FNBP1L: variants seen among roughly 807,000 people sequenced by gnomAD.
FNBP1L encodes formin-binding protein 1-like.
In FNBP1L, 36 loss-of-function variants were observed where a neutral mutation model predicts 91.2. The ratio of observed to expected loss-of-function variants is 0.39; its 90% CI spans 0.30 to 0.52. FNBP1L has a LOEUF of 0.52. Among genes scored for constraint, FNBP1L ranks in the 20% least tolerant of loss-of-function variants. The pLI is 0.66. For synonymous variants in FNBP1L, 242 were observed against 237.0 expected, an observed-to-expected ratio of 1.02 and a Z score of -0.19; for missense variants, 571 against 732.1, an observed-to-expected ratio of 0.78 and a Z score of 2.54.
intron 1 of FNBP1L, among the ~76,000 whole-genome samples, chr1:93,479,949 T>A (rs1669636250): frequency 6.6e-6 from 1 of 152,164 alleles, no homozygotes; most frequent in Non-Finnish European, 1.5e-5. Context: ...GCATAAGAAA[T>A]TATAAGAGTA....
chr1:93,465,450 G>A (rs898772617), intron 1 of FNBP1L, among the ~76,000 whole-genome samples: 10 of 151,704 alleles, frequency 6.6e-5, no homozygotes, highest in African/African-American at 2.2e-4. Flanking sequence ...GAGAACATGT[G>A]GTGTTTGGTT....
intron 11 of FNBP1L, among the ~76,000 whole-genome samples, chr1:93,541,702 G>T (rs1672052281): frequency 6.6e-6 from 1 of 152,042 alleles, no homozygotes; most frequent in African/African-American, 2.4e-5. Flanking sequence ...TGTATAGGAA[G>T]CTACTGGAAA....
Position 93,448,251 on chromosome 1 carries a change from C to T in FNBP1L, c.-31C>T. On this transcript the variant is annotated 5_prime_UTR_variant, in exon 1 of 17. Coordinates refer to ENST00000271234, the MANE Select transcript of FNBP1L (RefSeq NM_001164473.3). ...GTGGAGCCGACAGACTGAAGGACAG[C>T]GGCACCGCCAGACGGCCAGAAAGTT... 6.6e-7 allele frequency: 1 copy of T among 1,520,390 alleles called. No individual in the cohort carries two copies. Among genetic ancestry groups the T allele is most frequent in the Non-Finnish European group, 8.8e-7 (1 of 1,133,802 alleles). 94.2% of individuals were successfully genotyped at this position (1,520,390 alleles called of 1,614,324 possible). A position where few individuals can be genotyped will look rare whatever the true frequency, so the allele number is the denominator to read the frequency against.
At chr1:93,506,330 G>A (rs1670611176) in intron 2 of FNBP1L, among the ~76,000 whole-genome samples, 1 of 152,070 alleles carries the variant, frequency 6.6e-6, no homozygotes, top group South Asian at 2.1e-4. Flanking sequence ...AGGAAATACA[G>A]TCATCAACAG....
chr1:93,477,792 A>T (rs1320424479), intron 1 of FNBP1L, among the ~76,000 whole-genome samples: 2 of 152,238 alleles, frequency 1.3e-5, no homozygotes, highest in East Asian at 3.8e-4. Flanking sequence ...GTCCTACTAT[A>T]ACCATACCCT....
chr1:93,541,675 A>G (rs1347456489), intron 11 of FNBP1L, among the ~76,000 whole-genome samples: 1 of 152,108 alleles, frequency 6.6e-6, no homozygotes, highest in Non-Finnish European at 1.5e-5. Flanking sequence ...TACATTAGGA[A>G]CTAACCCCAA....
chr1:93,478,517 AGG>A (rs968511789), intron 1 of FNBP1L, among the ~76,000 whole-genome samples: 1 of 152,044 alleles, frequency 6.6e-6, no homozygotes, highest in Non-Finnish European at 1.5e-5. Context: ...CCAGGTGGAG[AGG>A]GGGGCAGTCC....
At chr1:93,542,021 AT>A (rs1035395225) in intron 11 of FNBP1L, among the ~76,000 whole-genome samples, 32 of 152,280 alleles carry the variant, frequency 2.1e-4, no homozygotes, top group African/African-American at 7.0e-4. Flanking sequence ...ACTCCACAGT[AT>A]GTTGAAATGC....
chr1:93,469,406 G>C (rs2101695994), intron 1 of FNBP1L, among the ~76,000 whole-genome samples: 1 of 152,228 alleles, frequency 6.6e-6, no homozygotes, highest in South Asian at 2.1e-4. Context: ...CTCTGCAAAG[G>C]ACATGAACTC....
chr1:93,460,625 A>C (rs1668829573), intron 1 of FNBP1L, among the ~76,000 whole-genome samples: 1 of 152,252 alleles, frequency 6.6e-6, no homozygotes, highest in Non-Finnish European at 1.5e-5. Context: ...CCGGTCATTT[A>C]CGATAACATG....
chr1:93,554,093 T>C lies in FNBP1L; in HGVS notation c.*1677T>C, dbSNP rs1672500387. On this transcript the variant is annotated 3_prime_UTR_variant, in exon 17 of 17. Transcript: ENST00000271234. ...GTTACACAGCTGACATATAGTGTAT[T>C]ACCTTTGCAGCTAGTAAACTATAAA... 6.5e-6 allele frequency: 1 copy of C among 152,684 alleles called. No homozygotes were observed. Among genetic ancestry groups the C allele is most frequent in the Admixed American group, 6.5e-5 (1 of 15,288 alleles). 9.5% of individuals were successfully genotyped at this position (152,684 alleles called of 1,614,324 possible).
intron 1 of FNBP1L, among the ~76,000 whole-genome samples, chr1:93,464,749 T>A (rs556491759): frequency 1.3e-5 from 2 of 152,318 alleles, no homozygotes; most frequent in African/African-American, 4.8e-5. Flanking sequence ...AATACCTAGT[T>A]TGATGTTATT....
rs892416835 is a variant in FNBP1L at position 93,515,622 on chromosome 1, G to A, written c.141-6460G>A. Among the ~76,000 whole-genome samples the A allele has an allele frequency of 1.3e-4, 20 of 151,960 alleles. No homozygotes were observed. The East Asian group carries it at 3.7e-3, about 28-fold the overall frequency. ...GAGTTCATGTCCTTTGTAGGGACAT[G>A]GATGAAATTGGAAATCATCATTCTC... On this transcript the variant is annotated intron_variant, in intron 2 of 16. Transcript: ENST00000271234.
At chr1:93,523,945 G>A (rs1383861108) in intron 4 of FNBP1L, among the ~76,000 whole-genome samples, 1 of 152,132 alleles carries the variant, frequency 6.6e-6, no homozygotes, top group African/African-American at 2.4e-5. Flanking sequence ...TAAAAAGCCT[G>A]CAATATTTAT....
At chr1:93,541,939 G>A (rs1672059337) in intron 11 of FNBP1L, among the ~76,000 whole-genome samples, 1 of 151,952 alleles carries the variant, frequency 6.6e-6, no homozygotes, top group Admixed American at 6.6e-5. Flanking sequence ...GTTTGATAAG[G>A]GATAAGTGGA....
chr1:93,510,373 T>TC (rs1296794316), intron 2 of FNBP1L, among the ~76,000 whole-genome samples: 1 of 152,126 alleles, frequency 6.6e-6, no homozygotes, highest in Non-Finnish European at 1.5e-5. Flanking sequence ...GGCTGGGTAC[T>TC]CCAACAGACC....
At chr1:93,454,945 T>C (rs1409387885) in intron 1 of FNBP1L, among the ~76,000 whole-genome samples, 1 of 146,522 alleles carries the variant, frequency 6.8e-6, no homozygotes, top group Admixed American at 6.7e-5. Flanking sequence ...TTATTTATTT[T>C]TGAGACGGAG....
intron 1 of FNBP1L, among the ~76,000 whole-genome samples, chr1:93,471,635 T>G (rs912792679): frequency 6.6e-6 from 1 of 152,194 alleles, no homozygotes; most frequent in South Asian, 2.1e-4. Flanking sequence ...GAGCCTGCAG[T>G]GAGCTGTGAT....
At chr1:93,527,127 G>A (rs773452945) in intron 5 of FNBP1L, among the ~76,000 whole-genome samples, 1 of 152,104 alleles carries the variant, frequency 6.6e-6, no homozygotes, top group Non-Finnish European at 1.5e-5. Context: ...AAAAATCCTG[G>A]AGCGCATTTA....
Sources: allele counts gnomAD v4.1 joint callset (sites outside exome capture counted in the v4.1 genomes callset), GRCh38; gene constraint gnomAD v4.1.1; transcripts MANE v1.5; gene names NCBI Gene and HGNC (gene_info 2026-07-23, HGNC 2026-07-21).